The following KNL1 variants were observed in gnomAD, a reference collection of about 807,000 sequenced individuals.
KNL1 encodes outer kinetochore KNL1 complex subunit KNL1.
In KNL1, 66 loss-of-function variants were observed where a neutral mutation model predicts 201.3. The ratio of observed to expected loss-of-function variants is 0.33; its 90% CI spans 0.27 to 0.40. KNL1 has a LOEUF of 0.40. KNL1 is among the 10% of genes least tolerant of loss of function. The pLI, the probability that KNL1 is intolerant of heterozygous loss-of-function variation, is 1.00. For synonymous variants in KNL1, 895 were observed against 899.2 expected, an observed-to-expected ratio of 1.00 and a Z score of 0.08; for missense variants, 2,815 against 2,690.5, an observed-to-expected ratio of 1.05 and a Z score of -1.02.
intron 7 of KNL1, 35 bp from the exon 8 acceptor site, chr15:40,615,306 G>T: frequency 1.7e-6 from 1 of 595,834 alleles, no homozygotes; most frequent in South Asian, 1.8e-5. Context: ...TAATTGTTTG[G>T]GGTATAGATT....
intron 13 of KNL1, among the ~76,000 whole-genome samples, chr15:40,637,497 C>T (rs990433809): frequency 6.6e-6 from 1 of 152,000 alleles, no homozygotes; most frequent in Non-Finnish European, 1.5e-5. Context: ...GGTTGAGCAT[C>T]CCTAATCCAA....
intron 14 of KNL1, among the ~76,000 whole-genome samples, chr15:40,642,305 G>A (rs375690034): frequency 2.6e-5 from 4 of 151,744 alleles, no homozygotes; most frequent in South Asian, 4.2e-4. Context: ...AGGCTGAGGC[G>A]GGAGAATGGC....
At chr15:40,602,502 T>TA (rs1491202368) in intron 1 of KNL1, among the ~76,000 whole-genome samples, 1 of 121,532 alleles carries the variant, frequency 8.2e-6, no homozygotes, top group Non-Finnish European at 1.8e-5. Flanking sequence ...TTTTTTTTTT[T>TA]GGAGACAGAG....
intron 21 of KNL1, among the ~76,000 whole-genome samples, chr15:40,652,649 G>A (rs1206692042): frequency 1.3e-5 from 2 of 150,394 alleles, no homozygotes; most frequent in Non-Finnish European, 2.9e-5. Flanking sequence ...TGTAATCCTA[G>A]TTACTCGGGA....
At chr15:40,608,270 T>C (rs1892039353) in intron 4 of KNL1, among the ~76,000 whole-genome samples, 1 of 151,868 alleles carries the variant, frequency 6.6e-6, no homozygotes, top group Non-Finnish European at 1.5e-5. Flanking sequence ...GGTCAGGAGT[T>C]TGAGACCAGC....
At chr15:40,603,601 C>G (rs1891880121) in intron 2 of KNL1, among the ~76,000 whole-genome samples, 1 of 152,204 alleles carries the variant, frequency 6.6e-6, no homozygotes, top group Non-Finnish European at 1.5e-5. Flanking sequence ...CCCCCCATCT[C>G]TACAAAAAAT....
chr15:40,654,266 A>G (rs192217972), intron 21 of KNL1, among the ~76,000 whole-genome samples: 22 of 152,312 alleles, frequency 1.4e-4, no homozygotes, highest in African/African-American at 5.3e-4. Context: ...GTATTTATAC[A>G]ATGATAGGAG....
chr15:40,639,320 T>C (rs1893151855), intron 13 of KNL1, among the ~76,000 whole-genome samples: 1 of 150,026 alleles, frequency 6.7e-6, no homozygotes. Flanking sequence ...GCACGATGGC[T>C]CATGTCTGTA....
rs371404355 is a variant in KNL1, at chr15:40,657,163, T to C, written c.6594+12T>C. 6.6e-6 allele frequency: 10 copies of C among 1,509,204 alleles called. No individual in the cohort carries two copies. In the African/African-American group the frequency reaches 7.0e-5, roughly 11 times the overall value. 93.5% of individuals were successfully genotyped at this position (1,509,204 alleles called of 1,614,324 possible). A position where few individuals can be genotyped will look rare whatever the true frequency, so the allele number is the denominator to read the frequency against. On this transcript the variant is annotated intron_variant, in intron 23 of 25. Transcript: ENST00000399668. ...ATCAGTTACCCAAGGTAAAGCCCGA[T>C]TGAAGTATTTAAAGGAAAATTTGTG...
intron 1 of KNL1, among the ~76,000 whole-genome samples, chr15:40,601,827 CA>C (rs368257573): frequency 9.4e-4 from 61 of 64,810 alleles, no homozygotes; most frequent in South Asian, 3.9e-3. Context: ...GACTCCGTCT[CA>C]AAAAAAAAAA....
At chr15:40,640,313 C>T (rs1893189120) in intron 13 of KNL1, among the ~76,000 whole-genome samples, 1 of 151,962 alleles carries the variant, frequency 6.6e-6, no homozygotes, top group Non-Finnish European at 1.5e-5. Flanking sequence ...CCAGGCTGGT[C>T]TCAAACTCCT....
At chr15:40,617,013 A>G (rs1157463205) in intron 8 of KNL1, among the ~76,000 whole-genome samples, 1 of 152,078 alleles carries the variant, frequency 6.6e-6, no homozygotes, top group Non-Finnish European at 1.5e-5. Flanking sequence ...AGGTGGTGCG[A>G]TCTTGGCTCA....
At chr15:40,627,030 G>A (rs1010974841) in intron 10 of KNL1, among the ~76,000 whole-genome samples, 1 of 151,988 alleles carries the variant, frequency 6.6e-6, no homozygotes, top group Non-Finnish European at 1.5e-5. Context: ...GAGTAGCTGG[G>A]ATTACAGGCA....
At chr15:40,612,661 C>T (rs866949261) in intron 7 of KNL1, among the ~76,000 whole-genome samples, 7 of 151,850 alleles carry the variant, frequency 4.6e-5, no homozygotes, top group Middle Eastern at 3.4e-3. Flanking sequence ...GGACTACAGG[C>T]GCCTGCCACC....
At chr15:40,599,678 C>T (rs993885891) in intron 1 of KNL1, among the ~76,000 whole-genome samples, 1 of 152,088 alleles carries the variant, frequency 6.6e-6, no homozygotes, top group Admixed American at 6.6e-5. Flanking sequence ...CCACTGCCCC[C>T]AGCCCTTAAC....
chr15:40,656,014 C>G (rs1893719932), intron 22 of KNL1, among the ~76,000 whole-genome samples: 1 of 152,036 alleles, frequency 6.6e-6, no homozygotes, highest in Non-Finnish European at 1.5e-5. Flanking sequence ...TAGTCTGTAT[C>G]AGGCATGTGT....
At chr15:40,627,179 G>A (rs1018402362) in intron 10 of KNL1, among the ~76,000 whole-genome samples, 7 of 152,232 alleles carry the variant, frequency 4.6e-5, no homozygotes, top group African/African-American at 1.7e-4. Flanking sequence ...ACAGGCGTGA[G>A]CCACAGCGCC....
intron 14 of KNL1, among the ~76,000 whole-genome samples, chr15:40,641,698 G>A (rs565885956): frequency 4.3e-4 from 66 of 152,292 alleles, no homozygotes; most frequent in African/African-American, 1.6e-3. Context: ...CACCCGCAAG[G>A]TATCTCTTAT....
intron 2 of KNL1, among the ~76,000 whole-genome samples, chr15:40,603,887 G>T (rs1325763624): frequency 1.3e-5 from 2 of 152,194 alleles, no homozygotes; most frequent in Admixed American, 1.3e-4. Flanking sequence ...GACATTTTTA[G>T]AATGAGGGTA....
Sources: allele counts gnomAD v4.1 joint callset (sites outside exome capture counted in the v4.1 genomes callset), GRCh38; gene constraint gnomAD v4.1.1; transcripts MANE v1.5; gene names NCBI Gene and HGNC (gene_info 2026-07-23, HGNC 2026-07-21).